Variants in PRLR observed in about 807,000 individuals in gnomAD.
PRLR encodes prolactin receptor, also known as hPRL receptor.
In PRLR, 13 loss-of-function variants were observed where a neutral mutation model predicts 40.2. The ratio of observed to expected loss-of-function variants is 0.32; its 90% CI spans 0.21 to 0.51. The LOEUF is 0.51. PRLR is among the 20% of genes least tolerant of loss of function. PRLR has a pLI of 0.97. For missense variants in PRLR, 656 were observed against 747.3 expected (o/e 0.88, Z 1.42); for synonymous variants, 269 against 278.7 (o/e 0.97, Z 0.35).
At chr5:35,088,059 C>T (rs1192671894) in intron 3 of PRLR, among the ~76,000 whole-genome samples, 3 of 152,298 alleles carry the variant, frequency 2.0e-5, no homozygotes, top group African/African-American at 7.2e-5. Flanking sequence ...AGGAGGAGAC[C>T]TCAGTGAGGA....
At chr5:35,125,869 T>G (rs1406142220) in intron 1 of PRLR, among the ~76,000 whole-genome samples, 1 of 152,212 alleles carries the variant, frequency 6.6e-6, no homozygotes, top group African/African-American at 2.4e-5. Context: ...TCCAATTATG[T>G]CAGCCTGGTT....
chr5:35,096,969 G>A (rs1035454900), intron 2 of PRLR, among the ~76,000 whole-genome samples: 3 of 152,046 alleles, frequency 2.0e-5, no homozygotes, highest in Non-Finnish European at 4.4e-5. Flanking sequence ...TCACTAATTG[G>A]CTCAGAATTG....
chr5:35,141,127 G>A (rs946905590), intron 1 of PRLR, among the ~76,000 whole-genome samples: 2 of 152,014 alleles, frequency 1.3e-5, no homozygotes, highest in African/African-American at 4.8e-5. Flanking sequence ...CAGCTATCTT[G>A]GGAACAGGGA....
intron 6 of PRLR, among the ~76,000 whole-genome samples, chr5:35,072,364 T>G (rs1322548564): frequency 6.6e-6 from 1 of 152,082 alleles, no homozygotes; most frequent in Non-Finnish European, 1.5e-5. Flanking sequence ...GTCTGAGCAG[T>G]ACAAGAAACT....
intron 1 of PRLR, among the ~76,000 whole-genome samples, chr5:35,175,633 T>C (rs1272515920): frequency 2.0e-5 from 3 of 152,236 alleles, no homozygotes; most frequent in Non-Finnish European, 1.5e-5. Flanking sequence ...TAAGCCTTAA[T>C]ATTTCAGAGG....
intron 1 of PRLR, among the ~76,000 whole-genome samples, chr5:35,176,329 T>C (rs1775146794): frequency 6.6e-6 from 1 of 152,234 alleles, no homozygotes; most frequent in African/African-American, 2.4e-5. Context: ...TTTTTTATTT[T>C]AAAAATTCAG....
chr5:35,116,547 C>G (rs973393934), intron 2 of PRLR, among the ~76,000 whole-genome samples: 2 of 152,162 alleles, frequency 1.3e-5, no homozygotes, highest in Non-Finnish European at 2.9e-5. Flanking sequence ...GCTTTCTGAC[C>G]TCTTCAAACT....
rs571348407 is a variant in PRLR at position 35,229,104 on chromosome 5, T to TTA, written c.-106+1162_-106+1163dup. On this transcript the variant is annotated intron_variant, in intron 1 of 9. Transcript: ENST00000618457. ...TCAGCACTTCCACCTCATTAAACAT[T>TTA]TATATATATATTATATATATTTCTA... Among the ~76,000 whole-genome samples, 122 of 148,262 alleles carry TTA rather than the reference T, an allele frequency of 8.2e-4. No homozygotes were observed. The East Asian group carries it at 0.022, about 26-fold the overall frequency.
intron 1 of PRLR, among the ~76,000 whole-genome samples, chr5:35,145,359 T>G (rs1024092020): frequency 6.6e-6 from 1 of 152,182 alleles, no homozygotes; most frequent in Non-Finnish European, 1.5e-5. Context: ...CAAGAAAAAG[T>G]GGACGGCCCC....
intron 1 of PRLR, among the ~76,000 whole-genome samples, chr5:35,139,755 A>G (rs1357092475): frequency 6.6e-6 from 1 of 152,224 alleles, no homozygotes; most frequent in African/African-American, 2.4e-5. Context: ...GATATGTCTT[A>G]CCAAAGCCAG....
chr5:35,184,649 C>T (rs1007679950), intron 1 of PRLR, among the ~76,000 whole-genome samples: 1 of 152,240 alleles, frequency 6.6e-6, no homozygotes, highest in Non-Finnish European at 1.5e-5. Flanking sequence ...CCTGTTGTGT[C>T]TACCTGTAAG....
chr5:35,116,583 T>C (rs905734248), intron 2 of PRLR, among the ~76,000 whole-genome samples: 1 of 152,196 alleles, frequency 6.6e-6, no homozygotes, highest in African/African-American at 2.4e-5. Context: ...CACTCAGTAC[T>C]CAGCATTGCC....
At chr5:35,138,725 A>G (rs1773929108) in intron 1 of PRLR, among the ~76,000 whole-genome samples, 2 of 152,356 alleles carry the variant, frequency 1.3e-5, no homozygotes, top group South Asian at 4.1e-4. Context: ...TACATGGTTC[A>G]CAGCAGGTTT....
chr5:35,118,204 A>G (rs1406285060), intron 1 of PRLR, 82 bp from the exon 2 acceptor site: 32 of 660,736 alleles, frequency 4.8e-5, no homozygotes, highest in Non-Finnish European at 5.6e-5. Flanking sequence ...AGTACGTAGC[A>G]TGGCTGAACA....
chr5:35,116,739 G>T (rs116249685), intron 2 of PRLR, among the ~76,000 whole-genome samples: 2,912 of 152,270 alleles, frequency 0.019, 89 homozygotes, highest in African/African-American at 0.067. Flanking sequence ...CCTGGGCAGG[G>T]CTATTATGCT....
At chr5:35,191,361 C>T (rs1237136743) in intron 1 of PRLR, among the ~76,000 whole-genome samples, 5 of 87,666 alleles carry the variant, frequency 5.7e-5, no homozygotes, top group African/African-American at 1.6e-4. Context: ...TGAGCCACCG[C>T]GCCCGGCCCA....
chr5:35,201,651 C>T (rs1775885270), intron 1 of PRLR, among the ~76,000 whole-genome samples: 1 of 152,194 alleles, frequency 6.6e-6, no homozygotes, highest in Admixed American at 6.5e-5. Flanking sequence ...TGGAGCATCT[C>T]AGAGATCTCG....
At chr5:35,193,857 G>A (rs555945540) in intron 1 of PRLR, among the ~76,000 whole-genome samples, 5 of 151,680 alleles carry the variant, frequency 3.3e-5, no homozygotes, top group African/African-American at 9.8e-5. Flanking sequence ...GTTGAAAGAC[G>A]AGTGCATGGA....
rs765213342 is a variant in PRLR, at chr5:35,130,033, G to T, written c.-105-11911C>A. ...CACAGAGCCTGCCAGATTTACCAAG[G>T]GTGCCTGCTGGGGTTTGCTCCTGGC... On this transcript the variant is annotated intron_variant, in intron 1 of 9. Transcript: ENST00000618457. 9.7e-4 allele frequency among the ~76,000 whole-genome samples: 147 copies of T among 152,204 alleles called. 1 individual carries two copies. The highest frequency in any genetic ancestry group is 1.0e-3 in the South Asian group (5 of 4,818).
Sources: gnomAD v4.1 joint callset for allele counts (sites outside exome capture counted in the v4.1 genomes callset) on GRCh38, gnomAD v4.1.1 for gene constraint, MANE v1.5 for transcripts, NCBI Gene and HGNC (gene_info 2026-07-23, HGNC 2026-07-21) for gene names.